Variants in SSH1 observed in about 807,000 individuals in gnomAD.
The protein encoded by SSH1 is protein phosphatase Slingshot homolog 1.
In SSH1, 43 loss-of-function variants were observed where a neutral mutation model predicts 79.7. The ratio of observed to expected loss-of-function variants is 0.54; its 90% CI spans 0.42 to 0.70. The LOEUF is 0.70. SSH1 is among the 30% of genes least tolerant of loss of function. The pLI, the probability that SSH1 is intolerant of heterozygous loss-of-function variation, is 0.00. For missense variants in SSH1, 1,206 were observed against 1,358.8 expected (o/e 0.89, Z 1.77); for synonymous variants, 599 against 538.3 (o/e 1.11, Z -1.56).
At chr12:108,852,207 A>C (rs2039054069) in intron 2 of SSH1, among the ~76,000 whole-genome samples, 1 of 151,800 alleles carries the variant, frequency 6.6e-6, no homozygotes, top group Non-Finnish European at 1.5e-5. Flanking sequence ...TTTTAGGTAT[A>C]ATTTCTAAAG....
rs545830581 is a variant in SSH1, at chr12:108,806,497, G to A, written c.732-103C>T. On this transcript the variant is annotated intron_variant, in intron 8 of 14. Transcript: ENST00000326495. ...CCTGGGTCTAAACAGAACACGGCTT[G>A]GCAAGGAGAGCACGCTTCTTGGTGT... 7.2e-4 allele frequency: 740 copies of A among 1,023,192 alleles called. 4 individuals carry two copies. The highest frequency in any genetic ancestry group is 6.5e-4 in the Non-Finnish European group (421 of 647,758). 63.4% of individuals were successfully genotyped at this position (1,023,192 alleles called of 1,614,324 possible).
intron 13 of SSH1, among the ~76,000 whole-genome samples, chr12:108,794,945 C>T (rs1022632037): frequency 6.6e-6 from 1 of 152,160 alleles, no homozygotes; most frequent in African/African-American, 2.4e-5. Context: ...TGATTGTTTC[C>T]TCTGCTCTAT....
intron 1 of SSH1, among the ~76,000 whole-genome samples, chr12:108,854,845 C>T (rs1486382280): frequency 1.3e-5 from 2 of 152,176 alleles, no homozygotes; most frequent in African/African-American, 2.4e-5. Flanking sequence ...AGGGCAGAAC[C>T]GGCCTGGCCT....
chr12:108,824,359 G>A (rs997409473), intron 2 of SSH1, among the ~76,000 whole-genome samples: 2 of 151,880 alleles, frequency 1.3e-5, no homozygotes, highest in South Asian at 2.1e-4. Context: ...CACAAGAATC[G>A]CTTACTTGAG....
Position 108,807,632 on chromosome 12 carries a change from C to T in SSH1, c.731+1G>A. 1 of 1,612,512 alleles carries T rather than the reference C, an allele frequency of 6.2e-7. No homozygotes were observed. Among genetic ancestry groups the T allele is most frequent in the Non-Finnish European group, 8.5e-7 (1 of 1,179,112 alleles). On this transcript the variant is annotated splice_donor_variant, in intron 8 of 14. Transcript: ENST00000326495. LOFTEE classifies it high-confidence loss of function. This position sits in a 1 kb window ranked among gnomAD's most constrained non-coding sequence, Gnocchi z 5.2. The stretch of plus-strand genomic sequence containing the variant: ...GCTCACACCAGAGGCACCTCACTTA[C>T]TTGTCCACAAATAGCGCGGGGGAGT...
rs1045427308 is a variant in SSH1, at chr12:108,820,047, CT to C, written c.215-1735del. The stretch of plus-strand genomic sequence containing the variant: ...CTCATGTTAAGCGTTCTTTCTTTTT[CT>C]TTTTTTTTCAATAGAGACAGGGTTT... On this transcript the variant is annotated intron_variant, in intron 3 of 14. Coordinates refer to ENST00000326495, the MANE Select transcript of SSH1 (RefSeq NM_018984.4). Among the ~76,000 whole-genome samples, 5 of 149,778 alleles carry C rather than the reference CT, an allele frequency of 3.3e-5. No individual in the cohort carries two copies. The East Asian group carries it at 9.9e-4, about 30-fold the overall frequency.
At chr12:108,848,701 G>C (rs2038954833) in intron 2 of SSH1, among the ~76,000 whole-genome samples, 1 of 152,208 alleles carries the variant, frequency 6.6e-6, no homozygotes, top group African/African-American at 2.4e-5. Flanking sequence ...GCCTAAAAAG[G>C]TGAGTGTGAC....
chr12:108,852,991 T>A, intron 1 of SSH1: 1 of 985,406 alleles, frequency 1.0e-6, no homozygotes. Context: ...AGCCCTCAAC[T>A]TTCCGAGGTT....
At position 108,779,575 on chromosome 12, in the gene SSH1, A is replaced by C. The variant is rs1047994699; in HGVS notation, c.*8413T>G. ...CCACTCTGTGGGCCTGTTTTTTCAT[A>C]AACTGAGAATAATGCCAACAAGGCA... On this transcript the variant is annotated 3_prime_UTR_variant, in exon 15 of 15. Coordinates refer to ENST00000326495, the MANE Select transcript of SSH1 (RefSeq NM_018984.4). The C allele has an allele frequency of 3.9e-5, 6 of 152,228 alleles. No individual in the cohort carries two copies. Among genetic ancestry groups the C allele is most frequent in the Non-Finnish European group, 8.8e-5 (6 of 68,044 alleles). The allele number at this position is 152,228 out of a possible 1,614,324, so 9.4% of individuals were successfully genotyped here. A position where few individuals can be genotyped will look rare whatever the true frequency, so the allele number is the denominator to read the frequency against.
At chr12:108,847,123 T>C (rs2038915429) in intron 2 of SSH1, among the ~76,000 whole-genome samples, 1 of 152,194 alleles carries the variant, frequency 6.6e-6, no homozygotes, top group African/African-American at 2.4e-5. Context: ...GGTCTCAAAC[T>C]ACGGGGCTCA....
In SSH1 at chr12:108,853,072, G is replaced by A. The variant is rs959855872; in HGVS notation, c.70-394C>T. ...TGTTTAAAGAGAATCCACTTCCTCCGCAGAGCCAGGCAATAACAGCTGAGT... is the reference window on the plus strand; with the variant it reads ...TGTTTAAAGAGAATCCACTTCCTCCACAGAGCCAGGCAATAACAGCTGAGT... On this transcript the variant is annotated intron_variant, in intron 1 of 14. Coordinates refer to ENST00000326495, the MANE Select transcript of SSH1 (RefSeq NM_018984.4). 11 of 985,138 alleles carry A rather than the reference G, an allele frequency of 1.1e-5. No individual in the cohort carries two copies. In the South Asian group the frequency reaches 1.4e-4, roughly 13 times the overall value. The allele number at this position is 985,138 out of a possible 1,614,324, so 61.0% of individuals were successfully genotyped here. A position where few individuals can be genotyped will look rare whatever the true frequency, so the allele number is the denominator to read the frequency against.
rs2036119791 is a variant in SSH1, at chr12:108,778,643, G to A, written c.*9345C>T. ...TTAGGTAGTGTGCCAGGCAGAAGGG[G>A]ATTTGCATGCATTATCAGTGAATTC... is the stretch of plus-strand genomic sequence containing the variant. On this transcript the variant is annotated 3_prime_UTR_variant, in exon 15 of 15. Coordinates refer to ENST00000326495, the MANE Select transcript of SSH1 (RefSeq NM_018984.4). 1 of 152,292 alleles carries A rather than the reference G, an allele frequency of 6.6e-6. No homozygotes were observed. 9.4% of individuals were successfully genotyped at this position (152,292 alleles called of 1,614,324 possible).
chr12:108,817,239 C>CTT (rs780046781), intron 4 of SSH1, 80 bp from the exon 5 acceptor site: 5 of 1,589,218 alleles, frequency 3.1e-6, no homozygotes, highest in Non-Finnish European at 4.3e-6. Context: ...AAGATCAACA[C>CTT]TTTCAGTGTT....
rs1397071521 is a variant in SSH1 at position 108,781,761 on chromosome 12, CTGAG to C, written c.*6223_*6226del. The C allele has an allele frequency of 6.6e-6, 1 of 152,116 alleles. No homozygotes were observed. Among genetic ancestry groups the C allele is most frequent in the Non-Finnish European group, 1.5e-5 (1 of 68,046 alleles). The allele number at this position is 152,116 out of a possible 1,614,324, so 9.4% of individuals were successfully genotyped here. ...ATGTATCGCATCCAGACAGAGGAGA[CTGAG>C]TGAATGTGACTCCTCCCTGACTACA... On this transcript the variant is annotated 3_prime_UTR_variant, in exon 15 of 15. Transcript: ENST00000326495.
chr12:108,846,034 G>A (rs1165518678), intron 2 of SSH1, among the ~76,000 whole-genome samples: 2 of 152,156 alleles, frequency 1.3e-5, no homozygotes, highest in Non-Finnish European at 2.9e-5. Context: ...GGGGGTGAAG[G>A]CAAAACCACA....
intron 3 of SSH1, among the ~76,000 whole-genome samples, chr12:108,818,986 T>A (rs1001134950): frequency 2.0e-5 from 3 of 152,142 alleles, no homozygotes; most frequent in African/African-American, 7.2e-5. Flanking sequence ...ACTCCTGACC[T>A]CAAGTGATCT....
intron 14 of SSH1, among the ~76,000 whole-genome samples, chr12:108,791,481 ATATATCT>A (rs1464204862): frequency 2.0e-5 from 3 of 152,160 alleles, no homozygotes; most frequent in African/African-American, 4.8e-5. Context: ...GAATAAAATG[ATATATCT>A]GAGGCCAAGC....
intron 1 of SSH1, among the ~76,000 whole-genome samples, chr12:108,855,951 C>CTA (rs1397130315): frequency 6.6e-6 from 1 of 152,228 alleles, no homozygotes; most frequent in Non-Finnish European, 1.5e-5. Flanking sequence ...AAGAACTACC[C>CTA]TACCAGGAGA....
chr12:108,852,868 T>G, intron 1 of SSH1, 190 bp from the exon 2 acceptor site: 1 of 985,350 alleles, frequency 1.0e-6, no homozygotes, highest in Non-Finnish European at 1.2e-6. Flanking sequence ...CGTGGGGGAA[T>G]TTTCAGGTTT....
Sources: allele counts gnomAD v4.1 joint callset (sites outside exome capture counted in the v4.1 genomes callset), GRCh38; gene constraint gnomAD v4.1.1; non-coding constraint Gnocchi (gnomAD v3.1); transcripts MANE v1.5; gene names NCBI Gene and HGNC (gene_info 2026-07-23, HGNC 2026-07-21).